Variants in RABGAP1L observed in about 807,000 individuals in gnomAD.
RABGAP1L encodes the protein RAB GTPase activating protein 1 like.
In RABGAP1L, 63 loss-of-function variants were observed where a neutral mutation model predicts 137.7. The ratio of observed to expected loss-of-function variants is 0.46; its 90% CI spans 0.37 to 0.56. The LOEUF is 0.56. Ranked by LOEUF, RABGAP1L falls within the 20% of genes least tolerant of loss-of-function variation. RABGAP1L has a pLI of 0.00. For synonymous variants in RABGAP1L, 431 were observed against 433.7 expected (o/e 0.99, Z 0.08); for missense variants, 1,095 against 1,244.0 (o/e 0.88, Z 1.80).
At chr1:174,795,862 T>C (rs2148810502) in intron 18 of RABGAP1L, among the ~76,000 whole-genome samples, 1 of 152,324 alleles carries the variant, frequency 6.6e-6, no homozygotes, top group African/African-American at 2.4e-5. Flanking sequence ...AGGTGTGAGC[T>C]ACTGTGCCTG....
Position 174,328,013 on chromosome 1 carries a change from A to G in RABGAP1L, c.1465+22886A>G, listed in dbSNP as rs564844419. Among the ~76,000 whole-genome samples, 14 of 129,082 alleles carry G rather than the reference A, an allele frequency of 1.1e-4. 1 individual carries two copies. In the South Asian group the frequency reaches 2.1e-3, roughly 19 times the overall value. 84.7% of individuals were successfully genotyped at this position (129,082 alleles called of 152,430 possible). On this transcript the variant is annotated intron_variant, in intron 11 of 25. Coordinates refer to ENST00000681986, the MANE Select transcript of RABGAP1L (RefSeq NM_001366446.1). The stretch of plus-strand genomic sequence containing the variant: ...TATATATATATATATATATATATAT[A>G]TATATATATATACCCAACATCAGAG...
Position 174,181,332 on chromosome 1 carries a change from C to CTTTTT in RABGAP1L, c.-34+21678_-34+21682dup, listed in dbSNP as rs1201957112. Among the ~76,000 whole-genome samples the CTTTTT allele has an allele frequency of 1.6e-4, 23 of 142,854 alleles. 2 individuals are homozygous for CTTTTT. Among genetic ancestry groups the CTTTTT allele is most frequent in the Admixed American group, 4.4e-4 (6 of 13,736 alleles). The allele number at this position is 142,854 out of a possible 152,430, so 93.7% of individuals were successfully genotyped here. A position where few individuals can be genotyped will look rare whatever the true frequency, so the allele number is the denominator to read the frequency against. On this transcript the variant is annotated intron_variant, in intron 1 of 25. Transcript: ENST00000681986. ...CTAATCATTTTATACAAGGGTCTTT[C>CTTTTT]TTTTTTTCTTTTTTTTTTTTTTTGA...
chr1:174,618,363 C>G (rs997128855), intron 13 of RABGAP1L, among the ~76,000 whole-genome samples: 1 of 151,856 alleles, frequency 6.6e-6, no homozygotes, highest in East Asian at 1.9e-4. Context: ...GTCTCTGACC[C>G]ACGCGTAGCC....
chr1:174,175,374 CTG>C (rs1665749221), intron 1 of RABGAP1L, among the ~76,000 whole-genome samples: 1 of 152,122 alleles, frequency 6.6e-6, no homozygotes, highest in Non-Finnish European at 1.5e-5. Context: ...ACTGTGGTCT[CTG>C]TTAGAAATCT....
chr1:174,331,161 C>T (rs897924453), intron 11 of RABGAP1L, among the ~76,000 whole-genome samples: 3 of 151,880 alleles, frequency 2.0e-5, no homozygotes, highest in Non-Finnish European at 2.9e-5. Flanking sequence ...CTAGGCCCCT[C>T]TCTCTCTCTG....
At chr1:174,211,666 T>G (rs1010111559) in intron 1 of RABGAP1L, among the ~76,000 whole-genome samples, 1 of 152,128 alleles carries the variant, frequency 6.6e-6, no homozygotes, top group Non-Finnish European at 1.5e-5. Flanking sequence ...AACTCTCCAA[T>G]GAAAGGATAC....
intron 19 of RABGAP1L, among the ~76,000 whole-genome samples, chr1:174,890,699 T>G (rs1189609935): frequency 6.6e-6 from 1 of 152,102 alleles, no homozygotes; most frequent in Non-Finnish European, 1.5e-5. Flanking sequence ...GCAAACAAAT[T>G]TATATGTGTT....
At chr1:174,629,025 T>TA in intron 13 of RABGAP1L, among the ~76,000 whole-genome samples, 1 of 152,312 alleles carries the variant, frequency 6.6e-6, no homozygotes, top group South Asian at 2.1e-4. Flanking sequence ...ATATTTCTTG[T>TA]AAAAATTGAC....
chr1:174,772,654 T>G (rs971402561), intron 18 of RABGAP1L, among the ~76,000 whole-genome samples: 1 of 151,774 alleles, frequency 6.6e-6, no homozygotes, highest in Non-Finnish European at 1.5e-5. Flanking sequence ...GACATTGTTG[T>G]GCAACTATCA....
rs1435202637 is a variant in RABGAP1L, at chr1:174,389,251, C to T, written c.1560-4744C>T. Among the ~76,000 whole-genome samples the T allele has an allele frequency of 3.3e-5, 5 of 152,086 alleles. No homozygotes were observed. The East Asian group carries it at 7.7e-4, about 23-fold the overall frequency. ...GAGAAATCTCCGACCTTTCTTGATG[C>T]CACCTCATCTTTTAATTTCAGTTAT... On this transcript the variant is annotated intron_variant, in intron 12 of 25. Coordinates refer to ENST00000681986, the MANE Select transcript of RABGAP1L (RefSeq NM_001366446.1).
rs560081651 is a variant in RABGAP1L, at chr1:174,870,077, A to G, written c.2340+58117A>G. 3.3e-5 allele frequency among the ~76,000 whole-genome samples: 5 copies of G among 152,312 alleles called. No homozygotes were observed. In the South Asian group the frequency reaches 1.0e-3, roughly 32 times the overall value. On this transcript the variant is annotated intron_variant, in intron 19 of 25. Coordinates refer to ENST00000681986, the MANE Select transcript of RABGAP1L (RefSeq NM_001366446.1). ...GGTTATTCTAAATTCTGGAGCCCAC[A>G]CTTCCTTTCTCTAATGGCATAAATG...
At chr1:174,554,801 A>G (rs1347496801) in intron 13 of RABGAP1L, among the ~76,000 whole-genome samples, 1 of 152,174 alleles carries the variant, frequency 6.6e-6, no homozygotes, top group Non-Finnish European at 1.5e-5. Flanking sequence ...AAAGGAAGAA[A>G]ATGAAAGTCA....
chr1:174,361,225 GT>G (rs376884093), intron 11 of RABGAP1L, among the ~76,000 whole-genome samples: 11,344 of 133,116 alleles, frequency 0.085, 1,200 homozygotes, highest in African/African-American at 0.28. Flanking sequence ...CTCCAGTTTT[GT>G]TTTTTTTTTT....
At chr1:174,444,381 A>T (rs527243659) in intron 13 of RABGAP1L, among the ~76,000 whole-genome samples, 13 of 151,834 alleles carry the variant, frequency 8.6e-5, no homozygotes, top group Admixed American at 2.0e-4. Context: ...TTTCTCAGGG[A>T]TATTGGCCTC....
chr1:174,176,001 A>G (rs949553987), intron 1 of RABGAP1L, among the ~76,000 whole-genome samples: 3 of 152,150 alleles, frequency 2.0e-5, no homozygotes, highest in African/African-American at 7.2e-5. Context: ...AGATTTTGCA[A>G]ACCTGTGTAA....
rs114794542 is a variant in RABGAP1L at position 174,569,081 on chromosome 1, C to T, written c.1711-68294C>T. Among the ~76,000 whole-genome samples the T allele has an allele frequency of 4.0e-3, 607 of 152,292 alleles. 6 individuals carry two copies. The highest frequency in any genetic ancestry group is 0.014 in the African/African-American group (567 of 41,564). On this transcript the variant is annotated intron_variant, in intron 13 of 25. Transcript: ENST00000681986. Reference sequence around the variant, plus strand: ...AGAAATCAAGGACATAAAGTGGTTACGGTCACACAGATAGTGTGGCAGAGA... The same window carrying T: ...AGAAATCAAGGACATAAAGTGGTTATGGTCACACAGATAGTGTGGCAGAGA...
intron 13 of RABGAP1L, among the ~76,000 whole-genome samples, chr1:174,499,779 T>C (rs1207288691): frequency 6.6e-6 from 1 of 152,204 alleles, no homozygotes; most frequent in African/African-American, 2.4e-5. Flanking sequence ...TAGTGTTGTA[T>C]AGTGTGAGAA....
chr1:174,353,050 C>G (rs1312630753), intron 11 of RABGAP1L, among the ~76,000 whole-genome samples: 2 of 152,202 alleles, frequency 1.3e-5, no homozygotes, highest in Non-Finnish European at 2.9e-5. Context: ...AGCACAGGAT[C>G]TCATCCATGG....
chr1:174,760,595 A>C (rs1472810461), intron 18 of RABGAP1L, among the ~76,000 whole-genome samples: 5 of 152,158 alleles, frequency 3.3e-5, no homozygotes, highest in African/African-American at 1.2e-4. Flanking sequence ...GGTTGATTCC[A>C]TGTCTTTGCT....
Sources: allele counts gnomAD v4.1 joint callset (sites outside exome capture counted in the v4.1 genomes callset), GRCh38; gene constraint gnomAD v4.1.1; transcripts MANE v1.5; gene names NCBI Gene and HGNC (gene_info 2026-07-23, HGNC 2026-07-21).